Variants in INPP5A observed in about 807,000 individuals in gnomAD.
The protein encoded by INPP5A is 43 kDa inositol polyphosphate 5-phophatase.
INPP5A carries 14 observed loss-of-function variants against 65.2 expected under a neutral mutation model. The ratio of observed to expected loss-of-function variants is 0.21; its 90% CI spans 0.14 to 0.34. The LOEUF (loss-of-function observed/expected upper bound fraction) is 0.34, where lower values mean the gene tolerates loss of function less well. Ranked by LOEUF, INPP5A falls within the 10% of genes least tolerant of loss-of-function variation. The pLI, the probability that INPP5A is intolerant of heterozygous loss-of-function variation, is 1.00. For missense variants in INPP5A, 431 were observed against 545.6 expected (o/e 0.79, Z 2.09); for synonymous variants, 207 against 208.3 (o/e 0.99, Z 0.05).
chr10:132,708,629 T>C, intron 7 of INPP5A: 1 of 567,036 alleles, frequency 1.8e-6, no homozygotes. Flanking sequence ...TCCCCGCAGC[T>C]GGAGAGTTCC....
rs2070984180 is a variant in INPP5A at position 132,547,066 on chromosome 10, A to G, written c.75+8895A>G. On this transcript the variant is annotated intron_variant, in intron 1 of 15. Coordinates refer to ENST00000368594, the MANE Select transcript of INPP5A (RefSeq NM_005539.5). This position sits in a 1 kb window ranked among gnomAD's most constrained non-coding sequence, Gnocchi z 5.5. Reference sequence around the variant, plus strand: ...GAACCCGAGACTTGGCTTTGGCCCAAGTCCCTGTGGAGAGGAAATCCCGCC... The same window carrying G: ...GAACCCGAGACTTGGCTTTGGCCCAGGTCCCTGTGGAGAGGAAATCCCGCC... Among the ~76,000 whole-genome samples the G allele has an allele frequency of 6.6e-6, 1 of 152,238 alleles. No individual in the cohort carries two copies. The highest frequency in any genetic ancestry group is 1.5e-5 in the Non-Finnish European group (1 of 68,040).
chr10:132,620,350 T>C (rs1472297999), intron 2 of INPP5A, among the ~76,000 whole-genome samples: 3 of 152,260 alleles, frequency 2.0e-5, no homozygotes, highest in Non-Finnish European at 4.4e-5. Flanking sequence ...CTGCAAAGTT[T>C]TCAAACTTTT....
intron 1 of INPP5A, among the ~76,000 whole-genome samples, chr10:132,596,270 G>A (rs966070571): frequency 6.6e-6 from 1 of 152,182 alleles, no homozygotes; most frequent in Non-Finnish European, 1.5e-5. Flanking sequence ...GTAAAGACCA[G>A]TTTGGGCAGG....
intron 1 of INPP5A, among the ~76,000 whole-genome samples, chr10:132,584,706 T>C (rs1177028783): frequency 2.6e-5 from 4 of 152,190 alleles, no homozygotes; most frequent in African/African-American, 7.2e-5. Flanking sequence ...CTAAAAAAAA[T>C]TGTTAATTTT....
chr10:132,661,328 T>C (rs1417786601), intron 4 of INPP5A, among the ~76,000 whole-genome samples: 2 of 152,234 alleles, frequency 1.3e-5, no homozygotes, highest in Admixed American at 6.5e-5. Flanking sequence ...CATAAAAATA[T>C]TTTGATTATG....
intron 8 of INPP5A, among the ~76,000 whole-genome samples, chr10:132,726,320 CTCCGGT>C (rs1454127498): frequency 1.3e-5 from 2 of 152,232 alleles, no homozygotes; most frequent in Admixed American, 6.5e-5. Flanking sequence ...AGAGCGGGGG[CTCCGGT>C]TCCTGCCGGT....
At chr10:132,620,222 G>A (rs912188989) in intron 2 of INPP5A, among the ~76,000 whole-genome samples, 5 of 152,210 alleles carry the variant, frequency 3.3e-5, no homozygotes, top group South Asian at 2.1e-4. Flanking sequence ...TCATTGTCTC[G>A]TCTGTTGGCA....
intron 12 of INPP5A, among the ~76,000 whole-genome samples, chr10:132,775,820 C>T (rs1051034488): frequency 3.3e-5 from 5 of 152,186 alleles, no homozygotes; most frequent in African/African-American, 7.2e-5. Flanking sequence ...CTTCCTGCCA[C>T]GCCCTGGCTT....
At chr10:132,600,508 T>A (rs1346742828) in intron 1 of INPP5A, among the ~76,000 whole-genome samples, 1 of 152,232 alleles carries the variant, frequency 6.6e-6, no homozygotes, top group Non-Finnish European at 1.5e-5. Flanking sequence ...TTCCAAACTT[T>A]CCCACATTTT....
intron 1 of INPP5A, among the ~76,000 whole-genome samples, chr10:132,571,393 G>C (rs1403785057): frequency 6.6e-6 from 1 of 152,208 alleles, no homozygotes; most frequent in Non-Finnish European, 1.5e-5. Flanking sequence ...TCTGGGCCTT[G>C]TCCTCCCCAG....
At position 132,705,249 on chromosome 10, in the gene INPP5A, G is replaced by T. The variant is rs560917097; in HGVS notation, c.475-3064G>T. The stretch of plus-strand genomic sequence containing the variant: ...GCTCCCCGGGGCAAATGGCCTCCCC[G>T]AGAGAGGAGGCGGACATGTTTGGAA... On this transcript the variant is annotated intron_variant, in intron 6 of 15. Transcript: ENST00000368594. The surrounding 1 kb of genome is among the most constrained non-coding windows in gnomAD (Gnocchi z 4.9). Among the ~76,000 whole-genome samples the T allele has an allele frequency of 2.0e-5, 3 of 152,194 alleles. No homozygotes were observed. Among genetic ancestry groups the T allele is most frequent in the African/African-American group, 7.2e-5 (3 of 41,444 alleles).
At chr10:132,657,763 C>T (rs900581864) in intron 4 of INPP5A, among the ~76,000 whole-genome samples, 4 of 152,258 alleles carry the variant, frequency 2.6e-5, no homozygotes, top group Admixed American at 6.5e-5. Context: ...GAAAGGCAAA[C>T]GCGTTTATGA....
At chr10:132,755,735 C>G (rs979307565) in intron 11 of INPP5A, among the ~76,000 whole-genome samples, 1 of 151,948 alleles carries the variant, frequency 6.6e-6, no homozygotes, top group East Asian at 1.9e-4. Flanking sequence ...CAGACCCTAG[C>G]GGCAGCCGCT....
rs1035127691 is a variant in INPP5A at position 132,587,003 on chromosome 10, G to A, written c.76-20912G>A. ...CTGCAGACCAATGTCATCATTCCCC[G>A]TCCCCTGGGTGGCCCCTCCCCCGCC... is the stretch of plus-strand genomic sequence containing the variant. On this transcript the variant is annotated intron_variant, in intron 1 of 15. Coordinates refer to ENST00000368594, the MANE Select transcript of INPP5A (RefSeq NM_005539.5). The surrounding 1 kb of genome is among the most constrained non-coding windows in gnomAD (Gnocchi z 4.3). 1.5e-4 allele frequency among the ~76,000 whole-genome samples: 23 copies of A among 152,220 alleles called. 2 individuals carry two copies. The highest frequency in any genetic ancestry group is 1.2e-3 in the South Asian group (6 of 4,824).
intron 1 of INPP5A, among the ~76,000 whole-genome samples, chr10:132,601,757 G>A (rs2071779812): frequency 6.6e-6 from 1 of 152,168 alleles, no homozygotes; most frequent in Non-Finnish European, 1.5e-5. Flanking sequence ...TTTCCCCAGT[G>A]AATGGTCTTG....
At chr10:132,696,132 T>G (rs903611120) in intron 5 of INPP5A, among the ~76,000 whole-genome samples, 4 of 152,164 alleles carry the variant, frequency 2.6e-5, no homozygotes, top group Non-Finnish European at 5.9e-5. Flanking sequence ...ATCTTGGACT[T>G]CCCATCCCTC....
intron 9 of INPP5A, among the ~76,000 whole-genome samples, chr10:132,740,902 G>A (rs915189038): frequency 3.3e-5 from 5 of 152,192 alleles, no homozygotes; most frequent in African/African-American, 1.2e-4. Flanking sequence ...TTTCCTGGAG[G>A]AGGAGGAGAG....
At chr10:132,564,228 A>C (rs1258198179) in intron 1 of INPP5A, among the ~76,000 whole-genome samples, 3 of 151,760 alleles carry the variant, frequency 2.0e-5, no homozygotes, top group Non-Finnish European at 4.4e-5. Context: ...CAGTGGGGAG[A>C]CCATGATTGG....
intron 8 of INPP5A, among the ~76,000 whole-genome samples, chr10:132,723,485 T>C (rs1344994041): frequency 6.8e-6 from 1 of 147,990 alleles, no homozygotes; most frequent in African/African-American, 2.5e-5. Context: ...ATTGGCCGTG[T>C]GGGGATTGGC....
Sources: allele counts gnomAD v4.1 joint callset (sites outside exome capture counted in the v4.1 genomes callset), GRCh38; gene constraint gnomAD v4.1.1; non-coding constraint Gnocchi (gnomAD v3.1); transcripts MANE v1.5; gene names NCBI Gene and HGNC (gene_info 2026-07-23, HGNC 2026-07-21).